Variants in SLC12A8 observed in about 807,000 individuals in gnomAD.
The protein encoded by SLC12A8 is cation-chloride cotransporter 9.
A neutral mutation model predicts 75.6 loss-of-function variants in SLC12A8; 69 were observed. The ratio of observed to expected loss-of-function variants is 0.91; its 90% confidence interval spans 0.75 to 1.11. SLC12A8 has a LOEUF of 1.11. SLC12A8 is among the 50% of genes most tolerant of loss of function. The probability of loss-of-function intolerance (pLI) is 0.00; values close to 1 mark genes in which losing one functional copy is unlikely to be tolerated. For missense variants in SLC12A8, 877 were observed against 896.7 expected (o/e 0.98, Z 0.28); for synonymous variants, 365 against 372.8 (o/e 0.98, Z 0.24).
intron 10 of SLC12A8, among the ~76,000 whole-genome samples, chr3:125,096,935 C>T (rs896451554): frequency 2.0e-5 from 3 of 152,092 alleles, no homozygotes; most frequent in Non-Finnish European, 4.4e-5. Context: ...TCTACAACAG[C>T]AAAAACCTTC....
chr3:125,196,978 C>T (rs898298160), intron 2 of SLC12A8, among the ~76,000 whole-genome samples: 2 of 152,212 alleles, frequency 1.3e-5, no homozygotes, highest in Non-Finnish European at 2.9e-5. Context: ...TGGCAATGAA[C>T]ATACCTAGCA....
intron 2 of SLC12A8, among the ~76,000 whole-genome samples, chr3:125,198,430 C>T (rs936827038): frequency 6.6e-6 from 1 of 152,116 alleles, no homozygotes; most frequent in African/African-American, 2.4e-5. Context: ...GTCAGGAGTT[C>T]GAAACCAGCC....
chr3:125,112,749 T>G (rs1302290212), intron 8 of SLC12A8, among the ~76,000 whole-genome samples: 1 of 152,242 alleles, frequency 6.6e-6, no homozygotes, highest in Non-Finnish European at 1.5e-5. Flanking sequence ...TGATGAAATT[T>G]TATCAAGAAA....
intron 10 of SLC12A8, among the ~76,000 whole-genome samples, chr3:125,093,293 T>C (rs1359118915): frequency 3.3e-5 from 5 of 152,222 alleles, no homozygotes; most frequent in Admixed American, 3.3e-4. Flanking sequence ...TCAGGAAATA[T>C]AGTAGAAAGC....
intron 4 of SLC12A8, among the ~76,000 whole-genome samples, chr3:125,183,993 A>G (rs1934720645): frequency 6.7e-6 from 1 of 148,260 alleles, no homozygotes; most frequent in South Asian, 2.1e-4. Flanking sequence ...ATTATTTTGA[A>G]ATGGAGTATC....
chr3:125,100,163 A>T (rs1166114826), intron 10 of SLC12A8, among the ~76,000 whole-genome samples: 1 of 152,194 alleles, frequency 6.6e-6, no homozygotes, highest in Non-Finnish European at 1.5e-5. Context: ...GATAATGTCA[A>T]GTATATCAAT....
chr3:125,177,432 C>G (rs935804912), intron 5 of SLC12A8, among the ~76,000 whole-genome samples: 9 of 151,668 alleles, frequency 5.9e-5, no homozygotes, highest in African/African-American at 2.2e-4. Context: ...ATGTAACAAA[C>G]CTGCATGTTG....
intron 2 of SLC12A8, 22 bp downstream of exon 2, chr3:125,211,277 C>A: frequency 6.2e-7 from 1 of 1,610,570 alleles, no homozygotes; most frequent in South Asian, 1.1e-5. Context: ...CCATCACAGA[C>A]CCTGGCACAT....
intron 5 of SLC12A8, among the ~76,000 whole-genome samples, chr3:125,165,430 C>A (rs1934263682): frequency 6.6e-6 from 1 of 152,226 alleles, no homozygotes. Flanking sequence ...GCCCAGAAGA[C>A]CCTTCCTGGC....
At chr3:125,096,808 A>C (rs755952581) in intron 10 of SLC12A8, among the ~76,000 whole-genome samples, 7 of 150,340 alleles carry the variant, frequency 4.7e-5, no homozygotes, top group Non-Finnish European at 1.0e-4. Context: ...ATTAAATTGT[A>C]TAGTTTTAAC....
intron 2 of SLC12A8, among the ~76,000 whole-genome samples, chr3:125,199,737 C>A (rs1184130439): frequency 6.6e-6 from 1 of 151,694 alleles, no homozygotes; most frequent in East Asian, 1.9e-4. Context: ...CAGAGCAAGA[C>A]CTGGTCTCAA....
At chr3:125,209,571 T>C (rs1436062706) in intron 2 of SLC12A8, among the ~76,000 whole-genome samples, 1 of 152,230 alleles carries the variant, frequency 6.6e-6, no homozygotes, top group Admixed American at 6.5e-5. Context: ...CCAACACTGA[T>C]GGGGCAACTT....
At chr3:125,095,807 C>T (rs1057397257) in intron 10 of SLC12A8, among the ~76,000 whole-genome samples, 5 of 152,246 alleles carry the variant, frequency 3.3e-5, no homozygotes, top group Non-Finnish European at 7.3e-5. Context: ...GGAGTTGGAA[C>T]ACCCTTCTTG....
intron 6 of SLC12A8, among the ~76,000 whole-genome samples, chr3:125,124,592 C>T (rs1174533627): frequency 6.6e-6 from 1 of 152,164 alleles, no homozygotes; most frequent in African/African-American, 2.4e-5. Flanking sequence ...CTCCAAAGTG[C>T]TGGGATTACA....
intron 2 of SLC12A8, among the ~76,000 whole-genome samples, chr3:125,195,712 C>T (rs1934997733): frequency 6.6e-6 from 1 of 152,014 alleles, no homozygotes; most frequent in Non-Finnish European, 1.5e-5. Context: ...CCATCAGAGG[C>T]TGTGAAAACT....
chr3:125,144,797 T>C (rs1579503593), intron 5 of SLC12A8, among the ~76,000 whole-genome samples: 1 of 152,170 alleles, frequency 6.6e-6, no homozygotes, highest in Admixed American at 6.5e-5. Flanking sequence ...CACTGTTGCT[T>C]GGATATCCTC....
At chr3:125,116,165 G>C (rs556361972) in intron 8 of SLC12A8, among the ~76,000 whole-genome samples, 6 of 152,324 alleles carry the variant, frequency 3.9e-5, no homozygotes, top group Admixed American at 1.3e-4. Context: ...TCCCCTTTAG[G>C]GGGTGGGTAG....
intron 2 of SLC12A8, among the ~76,000 whole-genome samples, chr3:125,192,890 T>G (rs1934934071): frequency 6.6e-6 from 1 of 151,834 alleles, no homozygotes; most frequent in African/African-American, 2.4e-5. Flanking sequence ...ACCCTGATGT[T>G]CTTGGAGAAA....
intron 4 of SLC12A8, among the ~76,000 whole-genome samples, chr3:125,178,355 G>C (rs1934583768): frequency 6.6e-6 from 1 of 152,076 alleles, no homozygotes; most frequent in South Asian, 2.1e-4. Context: ...CCCATCTACA[G>C]AGCCTTAAAA....
Sources: gnomAD v4.1 joint callset for allele counts (sites outside exome capture counted in the v4.1 genomes callset) on GRCh38, gnomAD v4.1.1 for gene constraint, MANE v1.5 for transcripts, NCBI Gene and HGNC (gene_info 2026-07-23, HGNC 2026-07-21) for gene names.